Variants in ZNF385D observed in about 807,000 individuals in gnomAD.
The protein encoded by ZNF385D is zinc finger protein 659.
A neutral mutation model predicts 35.8 loss-of-function variants in ZNF385D; 15 were observed. The observed-to-expected ratio is 0.42, with a 90% CI of 0.28 to 0.64. The LOEUF (loss-of-function observed/expected upper bound fraction) is 0.64, where lower values mean the gene tolerates loss of function less well. Ranked by LOEUF, ZNF385D falls within the 30% of genes least tolerant of loss-of-function variation. The pLI is 0.23. For synonymous variants in ZNF385D, 212 were observed against 186.8 expected (o/e 1.13, Z -1.10); for missense variants, 474 against 494.6 (o/e 0.96, Z 0.39).
chr3:22,090,916 A>T (rs1197286484), intron 3 of ZNF385D, among the ~76,000 whole-genome samples: 1 of 152,162 alleles, frequency 6.6e-6, no homozygotes, highest in African/African-American at 2.4e-5. Context: ...CAAACTAACT[A>T]GTGTGAAGTT....
intron 3 of ZNF385D, among the ~76,000 whole-genome samples, chr3:21,828,348 T>C (rs960816057): frequency 1.1e-4 from 16 of 152,220 alleles, no homozygotes; most frequent in Non-Finnish European, 1.8e-4. Flanking sequence ...GAAGTTAAAA[T>C]AAGTCATATT....
intron 1 of ZNF385D, among the ~76,000 whole-genome samples, chr3:21,705,080 T>C (rs1450066405): frequency 6.6e-6 from 1 of 152,200 alleles, no homozygotes; most frequent in Non-Finnish European, 1.5e-5. Flanking sequence ...GATCTTCCTA[T>C]GTTTGAAGAA....
chr3:22,163,852 A>C (rs1048099868), intron 3 of ZNF385D, among the ~76,000 whole-genome samples: 1 of 152,184 alleles, frequency 6.6e-6, no homozygotes, highest in African/African-American at 2.4e-5. Flanking sequence ...ATGTTTAAGG[A>C]GAAGAATGAA....
intron 2 of ZNF385D, among the ~76,000 whole-genome samples, chr3:22,318,158 G>A (rs1462618343): frequency 3.9e-5 from 6 of 152,126 alleles, no homozygotes; most frequent in African/African-American, 1.4e-4. Flanking sequence ...AAGATTCTGA[G>A]GAAATTACAA....
chr3:21,969,755 C>A (rs902394266), intron 3 of ZNF385D, among the ~76,000 whole-genome samples: 3 of 151,846 alleles, frequency 2.0e-5, no homozygotes, highest in Non-Finnish European at 2.9e-5. Flanking sequence ...GCAGGACTCA[C>A]TGCTATGCTG....
chr3:22,310,944 GATGTT>G (rs1213942697), intron 2 of ZNF385D, among the ~76,000 whole-genome samples: 3 of 151,598 alleles, frequency 2.0e-5, no homozygotes, highest in South Asian at 2.1e-4. Flanking sequence ...TGAAGTTTTT[GATGTT>G]ATAAGTCATT....
chr3:21,634,462 A>G (rs1158397161), intron 2 of ZNF385D, among the ~76,000 whole-genome samples: 1 of 152,120 alleles, frequency 6.6e-6, no homozygotes, highest in African/African-American at 2.4e-5. Flanking sequence ...AATGTATTAC[A>G]AAAGAAATCT....
intron 2 of ZNF385D, among the ~76,000 whole-genome samples, chr3:22,240,511 G>T (rs986780742): frequency 6.6e-6 from 1 of 150,966 alleles, no homozygotes; most frequent in African/African-American, 2.4e-5. Flanking sequence ...CTAATTGGAT[G>T]TGGACTATTG....
At chr3:22,094,954 G>C (rs907116201) in intron 3 of ZNF385D, among the ~76,000 whole-genome samples, 1 of 151,860 alleles carries the variant, frequency 6.6e-6, no homozygotes, top group Non-Finnish European at 1.5e-5. Flanking sequence ...TACCCAAGGT[G>C]GAGTATAGTG....
chr3:22,022,500 A>C (rs1343417478), intron 3 of ZNF385D, among the ~76,000 whole-genome samples: 3 of 152,116 alleles, frequency 2.0e-5, no homozygotes, highest in Non-Finnish European at 4.4e-5. Context: ...CTATGATCCT[A>C]GTTCAACTGT....
At chr3:21,494,207 A>G (rs2125414326) in intron 4 of ZNF385D, among the ~76,000 whole-genome samples, 1 of 152,290 alleles carries the variant, frequency 6.6e-6, no homozygotes, top group East Asian at 1.9e-4. Context: ...TATTAACAAA[A>G]TGTAAACCGA....
intron 3 of ZNF385D, among the ~76,000 whole-genome samples, chr3:22,034,987 G>C (rs1054033752): frequency 6.6e-6 from 1 of 151,850 alleles, no homozygotes; most frequent in Non-Finnish European, 1.5e-5. Flanking sequence ...TTATAAAATG[G>C]TACAATTTTT....
intron 1 of ZNF385D, among the ~76,000 whole-genome samples, chr3:21,714,394 A>G (rs2068232077): frequency 6.6e-6 from 1 of 152,160 alleles, no homozygotes; most frequent in Non-Finnish European, 1.5e-5. Flanking sequence ...AAACGTCACT[A>G]AAGGCTCACT....
chr3:22,268,494 G>A lies in ZNF385D; in HGVS notation c.107-99459C>T, dbSNP rs550095790. Among the ~76,000 whole-genome samples, 501 of 152,066 alleles carry A rather than the reference G, an allele frequency of 3.3e-3. 4 individuals carry two copies. The highest frequency in any genetic ancestry group is 0.01 in the African/African-American group (420 of 41,524). ...GCCAAATAATAAATCTGGCTTTGCA[G>A]GTCAGAGGGTCACTGCCACAACTAC... On this transcript the variant is annotated intron_variant, in intron 2 of 5. Coordinates refer to the ZNF385D transcript ENST00000494108.
chr3:21,982,782 T>A (rs1694552763), intron 3 of ZNF385D, among the ~76,000 whole-genome samples: 1 of 151,704 alleles, frequency 6.6e-6, no homozygotes, highest in South Asian at 2.1e-4. Flanking sequence ...TATTTAGAGT[T>A]GTTAACATGA....
At chr3:21,971,839 T>C (rs1026854612) in intron 3 of ZNF385D, among the ~76,000 whole-genome samples, 2 of 151,666 alleles carry the variant, frequency 1.3e-5, no homozygotes, top group Non-Finnish European at 3.0e-5. Context: ...CAAAATAGAT[T>C]TAAAAACAAA....
intron 2 of ZNF385D, among the ~76,000 whole-genome samples, chr3:22,249,124 T>G (rs1699937873): frequency 6.6e-6 from 1 of 152,116 alleles, no homozygotes; most frequent in Non-Finnish European, 1.5e-5. Flanking sequence ...GAGTCCAGAC[T>G]CTTGGACTAG....
At chr3:22,095,701 C>T (rs1701581322) in intron 3 of ZNF385D, among the ~76,000 whole-genome samples, 1 of 151,792 alleles carries the variant, frequency 6.6e-6, no homozygotes, top group African/African-American at 2.4e-5. Context: ...TGAATAATTG[C>T]TTTTAAAATA....
chr3:22,189,660 G>T (rs1576469414), intron 2 of ZNF385D, among the ~76,000 whole-genome samples: 1 of 152,106 alleles, frequency 6.6e-6, no homozygotes, highest in African/African-American at 2.4e-5. Context: ...AGGCATTACA[G>T]AAATACTTGT....
Sources: allele counts gnomAD v4.1 joint callset (sites outside exome capture counted in the v4.1 genomes callset), GRCh38; gene constraint gnomAD v4.1.1; transcripts MANE v1.5; gene names NCBI Gene and HGNC (gene_info 2026-07-23, HGNC 2026-07-21).